The following NSD2 variants were observed in gnomAD, a reference collection of about 807,000 sequenced individuals.
The protein encoded by NSD2 is nuclear receptor binding SET domain protein 2, also known as histone-lysine N-methyltransferase NSD2.
A neutral mutation model predicts 139.0 loss-of-function variants in NSD2; 12 were observed. The ratio of observed to expected loss-of-function variants is 0.09; its 90% CI spans 0.06 to 0.14. The LOEUF is 0.14. Among genes scored for constraint, NSD2 ranks in the 10% least tolerant of loss-of-function variants. The pLI is 1.00. For missense variants in NSD2, 1,155 were observed against 1,745.0 expected (o/e 0.66, Z 6.02); for synonymous variants, 669 against 648.7 (o/e 1.03, Z -0.48).
intron 7 of NSD2, among the ~76,000 whole-genome samples, chr4:1,937,211 C>T (rs186246192): frequency 1.2e-4 from 18 of 152,198 alleles, no homozygotes; most frequent in Middle Eastern, 3.4e-3. Context: ...GCCACCATGT[C>T]CAGCTAATTT....
chr4:1,887,235 C>T (rs1715181384), intron 1 of NSD2, among the ~76,000 whole-genome samples: 1 of 152,076 alleles, frequency 6.6e-6, no homozygotes, highest in South Asian at 2.1e-4. Flanking sequence ...TTCCTTGCAG[C>T]GTGGTGGCTG....
rs780733114 is a variant in NSD2, at chr4:1,978,746, C to T, written c.3935C>T (p.Ala1312Val). 22 of 1,614,042 alleles carry T rather than the reference C, an allele frequency of 1.4e-5. No individual in the cohort carries two copies. The South Asian group carries it at 2.2e-4, about 16-fold the overall frequency. ...SFCKEHQDGT[A>V]FSCTPDGRSY... ...TGTAAGGAGCACCAGGACGGGACAG[C>T]CTTCAGCTGCACCCCGGACGGGCGG... The change falls in exon 22 of 22, where the codon GCC becomes GTC. Residue 1312 changes from alanine to valine, a missense_variant. By Grantham distance (64) the Ala-to-Val change is moderately conservative. Coordinates refer to ENST00000508803, the MANE Select transcript of NSD2 (RefSeq NM_001042424.3).
At position 1,958,144 on chromosome 4, in the gene NSD2, C is replaced by A; in HGVS notation, c.2985+108C>A. ...TGGCTGGGGAGAGGACTGTCACCAG[C>A]CAGGATCTGTGGTGCCTGGCATGGA... is the stretch of plus-strand genomic sequence containing the variant. On this transcript the variant is annotated intron_variant, in intron 16 of 21. Coordinates refer to ENST00000508803, the MANE Select transcript of NSD2 (RefSeq NM_001042424.3). This position sits in a 1 kb window ranked among gnomAD's most constrained non-coding sequence, Gnocchi z 4.6. 1.8e-6 allele frequency: 2 copies of A among 1,137,578 alleles called. No homozygotes were observed. The highest frequency in any genetic ancestry group is 2.5e-6 in the Non-Finnish European group (2 of 785,668). The allele number at this position is 1,137,578 out of a possible 1,614,324, so 70.5% of individuals were successfully genotyped here.
chr4:1,900,973 G>A lies in NSD2; in HGVS notation c.319G>A (p.Gly107Arg), dbSNP rs771265108. 1 of 1,614,188 alleles carries A rather than the reference G, an allele frequency of 6.2e-7. No homozygotes were observed. The highest frequency in any genetic ancestry group is 1.1e-5 in the South Asian group (1 of 91,086). The stretch of plus-strand genomic sequence containing the variant: ...GCGTTTTGAGTCCCAGGAAATGAAA[G>A]GGATTGGGACACCCCCTAACACTAC... The part of the protein sequence containing the change: ...KLRFESQEMK[G>R]IGTPPNTTPI... Residue 107 changes from glycine (G) to arginine (R), a missense_variant, in exon 2 of 22, where the codon GGG becomes AGG. Gly to Arg is a moderately radical substitution (Grantham distance 125, BLOSUM62 -2). Transcript: ENST00000508803.
chr4:1,924,427 A>C (rs921834221), intron 5 of NSD2, among the ~76,000 whole-genome samples: 1 of 152,048 alleles, frequency 6.6e-6, no homozygotes, highest in African/African-American at 2.4e-5. Context: ...CCTGTTCACT[A>C]GTTTGGAATT....
At position 1,948,142 on chromosome 4, in the gene NSD2, T is replaced by C; in HGVS notation, c.1882-2930T>C. On this transcript the variant is annotated intron_variant, in intron 9 of 21. Coordinates refer to ENST00000508803, the MANE Select transcript of NSD2 (RefSeq NM_001042424.3). The surrounding 1 kb of genome is among the most constrained non-coding windows in gnomAD (Gnocchi z 4.5). ...CTGAGTAGAGAGTGGAGAAAGTATT[T>C]TCAGACTGAAGAAAACTTTGAAAAG... 3.8e-6 allele frequency: 4 copies of C among 1,061,790 alleles called. No homozygotes were observed. Among genetic ancestry groups the C allele is most frequent in the Non-Finnish European group, 4.6e-6 (4 of 876,824 alleles). The allele number at this position is 1,061,790 out of a possible 1,614,324, so 65.8% of individuals were successfully genotyped here.
chr4:1,940,880 C>T (rs920755605), intron 9 of NSD2: 22 of 1,057,014 alleles, frequency 2.1e-5, no homozygotes, highest in African/African-American at 6.6e-5. Context: ...TAGAGCTCTG[C>T]GGCTTGCCAC....
intron 9 of NSD2, among the ~76,000 whole-genome samples, chr4:1,949,080 G>A (rs1723939616): frequency 6.6e-6 from 1 of 152,190 alleles, no homozygotes; most frequent in African/African-American, 2.4e-5. Context: ...CATGCCCTGT[G>A]CTCCCCTGGC....
At chr4:1,967,273 C>T (rs1725983998) in intron 18 of NSD2, among the ~76,000 whole-genome samples, 1 of 152,204 alleles carries the variant, frequency 6.6e-6, no homozygotes, top group South Asian at 2.1e-4. Context: ...GAGAGATTGA[C>T]TCAGTAATTA....
At chr4:1,890,593 A>T (rs942254021) in intron 1 of NSD2, among the ~76,000 whole-genome samples, 27 of 143,584 alleles carry the variant, frequency 1.9e-4, no homozygotes, top group African/African-American at 7.1e-4. Context: ...GAGTCACCGC[A>T]CCCGGCCTAT....
At chr4:1,940,352 T>C (rs947050313) in intron 9 of NSD2, 26 of 1,068,238 alleles carry the variant, frequency 2.4e-5, no homozygotes, top group African/African-American at 3.3e-5. Flanking sequence ...ATATGACTCC[T>C]GTGTTCTGGA....
At chr4:1,889,961 ACT>A (rs1283414845) in intron 1 of NSD2, among the ~76,000 whole-genome samples, 8 of 150,444 alleles carry the variant, frequency 5.3e-5, no homozygotes, top group South Asian at 2.1e-4. Flanking sequence ...TCAGTAAAAA[ACT>A]CTGCACTGTT....
At chr4:1,883,774 G>GCAGCATGTGTGGGTGCT (rs1374264192) in intron 1 of NSD2, among the ~76,000 whole-genome samples, 6 of 152,198 alleles carry the variant, frequency 3.9e-5, no homozygotes, top group Non-Finnish European at 7.3e-5. Context: ...CCCAGAGCGA[G>GCAGCATGTGTGGGTGCT]CAGCATGTGT....
At chr4:1,935,392 T>G (rs553666213) in intron 7 of NSD2, 130 bp downstream of exon 7, 1 of 676,230 alleles carries the variant, frequency 1.5e-6, no homozygotes, top group South Asian at 2.2e-5. Flanking sequence ...CAGGCTGGTA[T>G]TCAGCAGAAG....
chr4:1,910,345 C>A (rs1358448274), intron 3 of NSD2, among the ~76,000 whole-genome samples: 3 of 152,066 alleles, frequency 2.0e-5, no homozygotes, highest in Admixed American at 6.6e-5. Context: ...CCTGCCGCAG[C>A]CTCCCGAGTA....
rs931932384 is a variant in NSD2, at chr4:1,972,843, G to A, written c.3373-2020G>A. ...TTGGGAGCTGGGAAGCTATGGGAAAGTTTTTGACACATTTTTTTTTCTTTT... is the reference window on the plus strand; with the variant it reads ...TTGGGAGCTGGGAAGCTATGGGAAAATTTTTGACACATTTTTTTTTCTTTT... On this transcript the variant is annotated intron_variant, in intron 18 of 21. Transcript: ENST00000508803. This position sits in a 1 kb window ranked among gnomAD's most constrained non-coding sequence, Gnocchi z 4.0. Among the ~76,000 whole-genome samples the A allele has an allele frequency of 6.6e-6, 1 of 152,180 alleles. No homozygotes were observed. Among genetic ancestry groups the A allele is most frequent in the African/African-American group, 2.4e-5 (1 of 41,444 alleles).
rs573453906 is a variant in NSD2, at chr4:1,943,820, A to C, written c.1881+4042A>C. ...AGCAGTCACCCAAAGTAAAGACTCT[A>C]TCTTGAAAGGCTTTTGGTGAAAATG... On this transcript the variant is annotated intron_variant, in intron 9 of 21. Coordinates refer to ENST00000508803, the MANE Select transcript of NSD2 (RefSeq NM_001042424.3). 29 of 1,062,408 alleles carry C rather than the reference A, an allele frequency of 2.7e-5. No homozygotes were observed. In the South Asian group the frequency reaches 1.0e-3, roughly 38 times the overall value. 65.8% of individuals were successfully genotyped at this position (1,062,408 alleles called of 1,614,324 possible).
At chr4:1,944,010 G>A (rs1723370215) in intron 9 of NSD2, 3 of 1,065,564 alleles carry the variant, frequency 2.8e-6, no homozygotes, top group Admixed American at 5.3e-5. Flanking sequence ...CCAAAGAGCA[G>A]CATGACATTG....
chr4:1,929,225 G>C (rs2108850085), intron 5 of NSD2, among the ~76,000 whole-genome samples: 1 of 152,086 alleles, frequency 6.6e-6, no homozygotes, highest in Admixed American at 6.5e-5. Flanking sequence ...CTCCCATGGT[G>C]GGGCCATGGG....
Sources: allele counts gnomAD v4.1 joint callset (sites outside exome capture counted in the v4.1 genomes callset), GRCh38; gene constraint gnomAD v4.1.1; non-coding constraint Gnocchi (gnomAD v3.1); transcripts MANE v1.5; gene names NCBI Gene and HGNC (gene_info 2026-07-23, HGNC 2026-07-21).